The following PLA2G5 variants were observed in gnomAD, a reference collection of about 807,000 sequenced individuals.
PLA2G5 encodes the protein phospholipase A2 group V.
A neutral mutation model predicts 15.9 loss-of-function variants in PLA2G5; 12 were observed. The ratio of observed to expected loss-of-function variants is 0.76; its 90% CI spans 0.48 to 1.23. PLA2G5 has a LOEUF of 1.23. PLA2G5 is among the 50% of genes most tolerant of loss of function. The probability of loss-of-function intolerance (pLI) is 0.00; values close to 1 mark genes in which losing one functional copy is unlikely to be tolerated. For synonymous variants in PLA2G5, 71 were observed against 71.4 expected (o/e 0.99, Z 0.03); for missense variants, 169 against 177.1 (o/e 0.95, Z 0.26).
chr1:20,080,703 C>T (rs2015959795), intron 1 of PLA2G5, among the ~76,000 whole-genome samples: 1 of 150,966 alleles, frequency 6.6e-6, no homozygotes, highest in Admixed American at 6.6e-5. Context: ...TGGAGCTGGC[C>T]CATGCAGGGG....
intron 1 of PLA2G5, among the ~76,000 whole-genome samples, chr1:20,073,711 C>T (rs55828841): frequency 2.0e-5 from 3 of 151,748 alleles, no homozygotes; most frequent in African/African-American, 2.4e-5. Flanking sequence ...GGTGAAACCC[C>T]GTCTCTATGA....
chr1:20,078,122 G>A lies in PLA2G5; in HGVS notation c.-10-6699G>A, dbSNP rs141259191. ...TGCAGCCTTGTGAAGCCCAGAGGGAGAGAGAGTTTCGAGAAGGAGGAGGTG... is the reference window on the plus strand; with the variant it reads ...TGCAGCCTTGTGAAGCCCAGAGGGAAAGAGAGTTTCGAGAAGGAGGAGGTG... On this transcript the variant is annotated intron_variant, in intron 1 of 4. Transcript: ENST00000375108. 2.1e-4 allele frequency among the ~76,000 whole-genome samples: 31 copies of A among 150,792 alleles called. 1 individual carries two copies. The East Asian group carries it at 5.4e-3, about 27-fold the overall frequency.
At chr1:20,060,142 T>G (rs2014634770) in intron 2 of PLA2G5, among the ~76,000 whole-genome samples, 1 of 152,050 alleles carries the variant, frequency 6.6e-6, no homozygotes, top group East Asian at 1.9e-4. Flanking sequence ...ACTGACCTTC[T>G]TGGCTCAACC....
At chr1:20,045,157 G>T (rs532914452) in intron 1 of PLA2G5, among the ~76,000 whole-genome samples, 71 of 152,272 alleles carry the variant, frequency 4.7e-4, no homozygotes, top group African/African-American at 1.6e-3. Flanking sequence ...TTTAGGTCAG[G>T]TGTGAGTTGA....
intron 1 of PLA2G5, among the ~76,000 whole-genome samples, chr1:20,057,606 C>T (rs1025065532): frequency 4.6e-5 from 7 of 152,196 alleles, no homozygotes; most frequent in African/African-American, 1.7e-4. Flanking sequence ...TCAAGCGATT[C>T]TCCTGCCTCA....
intron 1 of PLA2G5, among the ~76,000 whole-genome samples, chr1:20,071,350 G>A (rs2015364268): frequency 6.6e-6 from 1 of 152,168 alleles, no homozygotes; most frequent in South Asian, 2.1e-4. Flanking sequence ...GCCAGGGAGA[G>A]ATAAATGAGA....
chr1:20,049,058 TA>T (rs1284623671), intron 1 of PLA2G5, among the ~76,000 whole-genome samples: 1 of 152,074 alleles, frequency 6.6e-6, no homozygotes, highest in African/African-American at 2.4e-5. Context: ...AACAAGGAAA[TA>T]AGAGAGGTTT....
chr1:20,067,304 C>T (rs1214803085), upstream of PLA2G5, among the ~76,000 whole-genome samples: 1 of 151,982 alleles, frequency 6.6e-6, no homozygotes, highest in African/African-American at 2.4e-5. Flanking sequence ...CCAGCAAGAC[C>T]CTATCTCTTG....
At chr1:20,085,356 C>A (rs560837993) in intron 2 of PLA2G5, among the ~76,000 whole-genome samples, 2 of 152,154 alleles carry the variant, frequency 1.3e-5, no homozygotes, top group Middle Eastern at 3.4e-3. Context: ...GTATATACAA[C>A]CCCCGACAGG....
intron 1 of PLA2G5, among the ~76,000 whole-genome samples, chr1:20,052,478 G>C (rs2014223707): frequency 6.6e-6 from 1 of 152,194 alleles, no homozygotes; most frequent in African/African-American, 2.4e-5. Context: ...ATGGACCTCA[G>C]AGTAATGTGG....
intron 1 of PLA2G5, among the ~76,000 whole-genome samples, chr1:20,082,799 T>C (rs2016098873): frequency 6.6e-6 from 1 of 151,846 alleles, no homozygotes; most frequent in Admixed American, 6.6e-5. Context: ...TCCTAAAATA[T>C]AGAAAATCAA....
chr1:20,079,190 A>G (rs1304278619), intron 1 of PLA2G5, among the ~76,000 whole-genome samples: 1 of 152,020 alleles, frequency 6.6e-6, no homozygotes, highest in Non-Finnish European at 1.5e-5. Context: ...GGTGGAATTA[A>G]CAGAAGTAGA....
At chr1:20,062,643 A>C (rs1345284431) in intron 2 of PLA2G5, among the ~76,000 whole-genome samples, 2 of 152,150 alleles carry the variant, frequency 1.3e-5, no homozygotes, top group Non-Finnish European at 2.9e-5. Flanking sequence ...AAAACAAACA[A>C]ACAAACAAAC....
intron 2 of PLA2G5, among the ~76,000 whole-genome samples, chr1:20,061,774 C>T (rs2014747220): frequency 6.6e-6 from 1 of 152,192 alleles, no homozygotes. Flanking sequence ...TTTTTATAAA[C>T]TGTTGTACAT....
At chr1:20,055,902 T>G (rs2014407209) in intron 1 of PLA2G5, among the ~76,000 whole-genome samples, 3 of 152,168 alleles carry the variant, frequency 2.0e-5, no homozygotes, top group Non-Finnish European at 2.9e-5. Context: ...GGTCCTCAAC[T>G]AGTTTGGGGA....
At chr1:20,078,953 A>C (rs189434962) in intron 1 of PLA2G5, among the ~76,000 whole-genome samples, 4 of 151,960 alleles carry the variant, frequency 2.6e-5, no homozygotes, top group African/African-American at 9.7e-5. Flanking sequence ...TAAAAAATGC[A>C]CAAAGAAATT....
chr1:20,055,550 G>A (rs2014390822), intron 1 of PLA2G5, among the ~76,000 whole-genome samples: 1 of 152,140 alleles, frequency 6.6e-6, no homozygotes, highest in African/African-American at 2.4e-5. Flanking sequence ...CATAGAGCTG[G>A]TAGCTGCACT....
At chr1:20,040,906 T>C (rs905390419) in intron 1 of PLA2G5, among the ~76,000 whole-genome samples, 7 of 152,196 alleles carry the variant, frequency 4.6e-5, no homozygotes, top group Non-Finnish European at 1.0e-4. Flanking sequence ...GGAAGCCCCC[T>C]ACCCGCTTCA....
Position 20,090,650 on chromosome 1 carries a change from C to T in PLA2G5, c.375C>T (p.Tyr125=). 1 of 1,614,114 alleles carries T rather than the reference C, an allele frequency of 6.2e-7. No individual in the cohort carries two copies. Among genetic ancestry groups the T allele is most frequent in the Non-Finnish European group, 8.5e-7 (1 of 1,179,940 alleles). The change falls in exon 5 of 5, where the codon TAC becomes TAT. Residue 125 remains tyrosine, a synonymous_variant. Coordinates refer to ENST00000375108, the MANE Select transcript of PLA2G5 (RefSeq NM_000929.3). ...GCCTCAAGAGAAACCTACGGAGCTA[C>T]AACCCACAGTACCAATACTTTCCCA... ...VYCLKRNLRS[Y]NPQYQYFPNI... is the part of the protein sequence containing the mutation.
Sources: gnomAD v4.1 joint callset for allele counts (sites outside exome capture counted in the v4.1 genomes callset) on GRCh38, gnomAD v4.1.1 for gene constraint, MANE v1.5 for transcripts, NCBI Gene and HGNC (gene_info 2026-07-23, HGNC 2026-07-21) for gene names.